The following TACC3 variants were observed in gnomAD, a reference collection of about 807,000 sequenced individuals.
The protein encoded by TACC3 is transforming acidic coiled-coil-containing protein 3.
TACC3 carries 52 observed loss-of-function variants against 86.0 expected under a neutral mutation model. That is an observed-to-expected ratio of 0.60 (90% confidence interval 0.48 to 0.76). The LOEUF (loss-of-function observed/expected upper bound fraction) is 0.76. Ranked by LOEUF, TACC3 falls within the 30% of genes least tolerant of loss-of-function variation. The pLI is 0.00. For missense variants in TACC3, 1,120 were observed against 1,070.4 expected, an observed-to-expected ratio of 1.05 and a Z score of -0.65; for synonymous variants, 512 against 430.0, an observed-to-expected ratio of 1.19 and a Z score of -2.36.
chr4:1,737,916 G>T (rs1483519626), intron 10 of TACC3: 4 of 668,736 alleles, frequency 6.0e-6, no homozygotes, highest in Non-Finnish European at 8.2e-6. Flanking sequence ...CCCGCAGTCA[G>T]CTGCCCACCA....
At chr4:1,721,046 G>T (rs1717307678), upstream of TACC3, 1 of 306,962 alleles carries the variant, frequency 3.3e-6, no homozygotes. Flanking sequence ...GGCACTCTAG[G>T]ACATGGAGTC....
intron 8 of TACC3, 73 bp from the exon 9 acceptor site, chr4:1,737,168 T>C: frequency 7.9e-7 from 1 of 1,265,944 alleles, no homozygotes; most frequent in African/African-American, 1.5e-5. Context: ...GGTTAGCTTG[T>C]CCACATGGTC....
intron 13 of TACC3, 115 bp from the exon 14 acceptor site, chr4:1,744,403 G>T (rs916438664): frequency 1.1e-6 from 1 of 937,598 alleles, no homozygotes; most frequent in East Asian, 2.5e-5. Context: ...GGGAGCTACT[G>T]GCTCACGGCT....
chr4:1,724,927 AT>A (rs56412328), intron 3 of TACC3, among the ~76,000 whole-genome samples: 27 of 110,132 alleles, frequency 2.5e-4, no homozygotes, highest in African/African-American at 6.0e-4. Context: ...TGCCCGGCCA[AT>A]TTTTTTTTTT....
At chr4:1,726,298 G>C (rs1717684776) in intron 3 of TACC3, among the ~76,000 whole-genome samples, 1 of 152,228 alleles carries the variant, frequency 6.6e-6, no homozygotes, top group African/African-American at 2.4e-5. Context: ...TTCTGTGCCT[G>C]CAGGTGGCAT....
At chr4:1,738,924 T>A (rs763121450) in intron 10 of TACC3, among the ~76,000 whole-genome samples, 1 of 152,048 alleles carries the variant, frequency 6.6e-6, no homozygotes, top group Non-Finnish European at 1.5e-5. Flanking sequence ...AGGGAACAGA[T>A]GTGAACTACT....
chr4:1,740,600 GCTCCAGTTCC>G, intron 12 of TACC3: 1 of 472,254 alleles, frequency 2.1e-6, no homozygotes, highest in Non-Finnish European at 3.8e-6. Context: ...TCTGGCCCAG[GCTCCAGTTCC>G]CTGCGGATCT....
Position 1,735,357 on chromosome 4 carries a change from C to G in TACC3, c.1644+32C>G. 1 of 1,613,520 alleles carries G rather than the reference C, an allele frequency of 6.2e-7. No individual in the cohort carries two copies. The highest frequency in any genetic ancestry group is 8.5e-7 in the Non-Finnish European group (1 of 1,179,770). On this transcript the variant is annotated intron_variant, in intron 7 of 15. Transcript: ENST00000313288. This position sits in a 1 kb window ranked among gnomAD's most constrained non-coding sequence, Gnocchi z 4.2. ...ACCAGGCAATTCCGCGAAGCCTCAC[C>G]CACAGGGTGTCCGAGAGCAGCCACG...
chr4:1,726,844 G>A (rs1333822072), intron 3 of TACC3, among the ~76,000 whole-genome samples: 1 of 152,136 alleles, frequency 6.6e-6, no homozygotes, highest in East Asian at 1.9e-4. Flanking sequence ...AGGAAATGGT[G>A]GATGCCGGGT....
rs750868662 is a variant in TACC3, at chr4:1,735,149, C to A, written c.1592-124C>A. ...AGTCAGGCCCCGAACATCCACACCTCCAAGGGAGGAAATACTGCTGGCTGG... is the reference window on the plus strand; with the variant it reads ...AGTCAGGCCCCGAACATCCACACCTACAAGGGAGGAAATACTGCTGGCTGG... On this transcript the variant is annotated intron_variant, in intron 6 of 15. Transcript: ENST00000313288. This position sits in a 1 kb window ranked among gnomAD's most constrained non-coding sequence, Gnocchi z 4.2. 1 of 1,368,528 alleles carries A rather than the reference C, an allele frequency of 7.3e-7. No individual in the cohort carries two copies. Among genetic ancestry groups the A allele is most frequent in the East Asian group, 2.3e-5 (1 of 43,446 alleles). The allele number at this position is 1,368,528 out of a possible 1,614,324, so 84.8% of individuals were successfully genotyped here. A position where few individuals can be genotyped will look rare whatever the true frequency, so the allele number is the denominator to read the frequency against.
chr4:1,735,439 GC>G lies in TACC3; in HGVS notation c.1644+117del. On this transcript the variant is annotated intron_variant, in intron 7 of 15. Transcript: ENST00000313288. The surrounding 1 kb of genome is among the most constrained non-coding windows in gnomAD (Gnocchi z 4.2). ...CCCACGTCCCCCCAGCTGCACACAG[GC>G]CCAGGCATTGTGGCGGGCTGTGAAT... 1.6e-6 allele frequency: 2 copies of G among 1,236,672 alleles called. No individual in the cohort carries two copies. Among genetic ancestry groups the G allele is most frequent in the Non-Finnish European group, 2.3e-6 (2 of 853,152 alleles). The allele number at this position is 1,236,672 out of a possible 1,614,324, so 76.6% of individuals were successfully genotyped here. A position where few individuals can be genotyped will look rare whatever the true frequency, so the allele number is the denominator to read the frequency against.
rs1560312329 is a variant in TACC3, at chr4:1,735,255, A to G, written c.1592-18A>G. 1.9e-6 allele frequency: 3 copies of G among 1,613,674 alleles called. No homozygotes were observed. The highest frequency in any genetic ancestry group is 1.7e-5 in the Admixed American group (1 of 60,010). On this transcript the variant is annotated intron_variant, in intron 6 of 15. Coordinates refer to ENST00000313288, the MANE Select transcript of TACC3 (RefSeq NM_006342.3). This position sits in a 1 kb window ranked among gnomAD's most constrained non-coding sequence, Gnocchi z 4.2. ...CCTGGTGAGGGGCGATGGCGGCGGCATGATTCACTCCTCTCAGTTCTAGGC... is the reference window on the plus strand; with the variant it reads ...CCTGGTGAGGGGCGATGGCGGCGGCGTGATTCACTCCTCTCAGTTCTAGGC...
At chr4:1,732,257 TAC>T in intron 6 of TACC3, among the ~76,000 whole-genome samples, 2 of 151,190 alleles carry the variant, frequency 1.3e-5, no homozygotes, top group Non-Finnish European at 2.9e-5. Context: ...GTTAAATAAA[TAC>T]GGTTTGTCCG....
At chr4:1,723,042 ATCCGGGT>A (rs2108680668) in intron 1 of TACC3, 1 of 189,926 alleles carries the variant, frequency 5.3e-6, no homozygotes, top group East Asian at 1.6e-4. Context: ...CCTCTGGCTC[ATCCGGGT>A]TTCTTATTGG....
At chr4:1,739,037 A>G (rs764152490) in intron 10 of TACC3, among the ~76,000 whole-genome samples, 2 of 152,174 alleles carry the variant, frequency 1.3e-5, no homozygotes, top group African/African-American at 2.4e-5. Context: ...GGCCGGGTGC[A>G]GTGGGTCACG....
Position 1,741,066 on chromosome 4 carries a change from G to C in TACC3, c.2223+80G>C. ...CAAGCCAGCGGGGCTACAAGCTGCT[G>C]TCTTTGCACCTTGGTCCTTGGCCAA... On this transcript the variant is annotated intron_variant, in intron 13 of 15. Coordinates refer to ENST00000313288, the MANE Select transcript of TACC3 (RefSeq NM_006342.3). 2.1e-6 allele frequency: 3 copies of C among 1,424,132 alleles called. No individual in the cohort carries two copies. In the South Asian group the frequency reaches 4.1e-5, roughly 20 times the overall value. The allele number at this position is 1,424,132 out of a possible 1,614,324, so 88.2% of individuals were successfully genotyped here. A position where few individuals can be genotyped will look rare whatever the true frequency, so the allele number is the denominator to read the frequency against.
At chr4:1,737,388 T>G (rs1164050493) in intron 9 of TACC3, 60 bp downstream of exon 9, 6 of 1,507,574 alleles carry the variant, frequency 4.0e-6, no homozygotes, top group Non-Finnish European at 5.5e-6. Flanking sequence ...CGAGTTGTTT[T>G]AAGGGCCTAT....
chr4:1,742,749 A>G (rs936163592), intron 13 of TACC3, among the ~76,000 whole-genome samples: 3 of 151,780 alleles, frequency 2.0e-5, no homozygotes, highest in Non-Finnish European at 4.4e-5. Context: ...CAGTGAGCCA[A>G]GATCGTGCCA....
intron 12 of TACC3, 29 bp downstream of exon 12, chr4:1,740,031 G>T (rs1452840527): frequency 1.2e-6 from 2 of 1,612,100 alleles, no homozygotes; most frequent in Non-Finnish European, 1.7e-6. Flanking sequence ...GAGGCCACGT[G>T]CCTCCACGAG....
Sources: gnomAD v4.1 joint callset for allele counts (sites outside exome capture counted in the v4.1 genomes callset) on GRCh38, gnomAD v4.1.1 for gene constraint, Gnocchi (gnomAD v3.1) non-coding constraint, MANE v1.5 for transcripts, NCBI Gene and HGNC (gene_info 2026-07-23, HGNC 2026-07-21) for gene names.